The following STXBP5 variants were observed in gnomAD, a reference collection of about 807,000 sequenced individuals.
The protein encoded by STXBP5 is syntaxin-binding protein 5.
A neutral mutation model predicts 152.4 loss-of-function variants in STXBP5; 50 were observed. The ratio of observed to expected loss-of-function variants is 0.33; its 90% CI spans 0.26 to 0.42. STXBP5 has a LOEUF of 0.42. STXBP5 is among the 10% of genes least tolerant of loss of function. The pLI, the probability that STXBP5 is intolerant of heterozygous loss-of-function variation, is 1.00. For synonymous variants in STXBP5, 492 were observed against 494.7 expected, an observed-to-expected ratio of 0.99 and a Z score of 0.07; for missense variants, 1,167 against 1,388.6, an observed-to-expected ratio of 0.84 and a Z score of 2.54.
At chr6:147,362,844 A>C (rs1293765231) in intron 23 of STXBP5, among the ~76,000 whole-genome samples, 2 of 152,174 alleles carry the variant, frequency 1.3e-5, no homozygotes, top group Non-Finnish European at 2.9e-5. Context: ...TGGAGTGCTA[A>C]AGTCTTCAGA....
chr6:147,212,479 A>G (rs1041440843), intron 2 of STXBP5, among the ~76,000 whole-genome samples: 8 of 152,192 alleles, frequency 5.3e-5, no homozygotes, highest in African/African-American at 1.7e-4. Flanking sequence ...TAAGTCAACT[A>G]AAATCTCTGT....
intron 18 of STXBP5, among the ~76,000 whole-genome samples, chr6:147,333,179 C>T (rs919762386): frequency 6.6e-6 from 1 of 152,116 alleles, no homozygotes; most frequent in Admixed American, 6.5e-5. Flanking sequence ...TCTGTAAAAA[C>T]CAGGTTTTCT....
At chr6:147,240,674 T>C (rs1778498042) in intron 4 of STXBP5, among the ~76,000 whole-genome samples, 1 of 152,182 alleles carries the variant, frequency 6.6e-6, no homozygotes, top group South Asian at 2.1e-4. Context: ...ATAACAACTG[T>C]AATAACAGTA....
At chr6:147,265,174 A>G (rs1384528132) in intron 6 of STXBP5, among the ~76,000 whole-genome samples, 5 of 152,118 alleles carry the variant, frequency 3.3e-5, no homozygotes, top group Admixed American at 6.6e-5. Context: ...CAAAAGGTGT[A>G]TGTATCTCAG....
At chr6:147,379,504 G>C (rs1267776519) in intron 26 of STXBP5, among the ~76,000 whole-genome samples, 1 of 152,122 alleles carries the variant, frequency 6.6e-6, no homozygotes, top group Non-Finnish European at 1.5e-5. Context: ...ACTGATGTCT[G>C]TATGTATATA....
chr6:147,247,583 G>A (rs1269026608), intron 4 of STXBP5, among the ~76,000 whole-genome samples: 2 of 152,160 alleles, frequency 1.3e-5, no homozygotes. Flanking sequence ...AGGATGTTCA[G>A]GCAGTATTGG....
intron 21 of STXBP5, 50 bp from the exon 22 acceptor site, chr6:147,353,270 TTAG>T: frequency 8.6e-7 from 1 of 1,167,690 alleles, no homozygotes; most frequent in Non-Finnish European, 1.2e-6. Flanking sequence ...TCAGTTGATA[TTAG>T]TATGAATCAA....
chr6:147,369,437 A>C (rs2128416934), intron 25 of STXBP5, among the ~76,000 whole-genome samples: 1 of 152,196 alleles, frequency 6.6e-6, no homozygotes, highest in African/African-American at 2.4e-5. Flanking sequence ...TGACACCAAA[A>C]GCAACATCCA....
At chr6:147,328,456 C>T (rs915243865) in intron 18 of STXBP5, among the ~76,000 whole-genome samples, 3 of 152,148 alleles carry the variant, frequency 2.0e-5, no homozygotes, top group Non-Finnish European at 4.4e-5. Flanking sequence ...CAGTTGTGTT[C>T]GGTACATTAT....
chr6:147,313,619 A>G (rs1782490605), intron 11 of STXBP5, among the ~76,000 whole-genome samples: 1 of 152,140 alleles, frequency 6.6e-6, no homozygotes, highest in South Asian at 2.1e-4. Context: ...AGTTTGGTGC[A>G]AGAAGTAAAT....
intron 17 of STXBP5, 92 bp downstream of exon 17, chr6:147,325,176 T>C (rs1463928700): frequency 8.2e-7 from 1 of 1,213,050 alleles, no homozygotes; most frequent in African/African-American, 1.6e-5. Context: ...CTTTGTTATA[T>C]CGTCACCTAA....
At chr6:147,269,219 A>G (rs2128336182) in intron 7 of STXBP5, among the ~76,000 whole-genome samples, 1 of 152,332 alleles carries the variant, frequency 6.6e-6, no homozygotes, top group Admixed American at 6.5e-5. Context: ...AACAGAGTAG[A>G]GAAACTTTGT....
At chr6:147,332,588 G>A (rs769964957) in intron 18 of STXBP5, among the ~76,000 whole-genome samples, 4 of 152,178 alleles carry the variant, frequency 2.6e-5, no homozygotes, top group Non-Finnish European at 5.9e-5. Flanking sequence ...AGTGTGGCTG[G>A]AGAAGAGAGA....
chr6:147,306,942 A>G (rs1018713595), intron 9 of STXBP5, among the ~76,000 whole-genome samples: 4 of 152,342 alleles, frequency 2.6e-5, no homozygotes, highest in Middle Eastern at 3.4e-3. Context: ...TAGACTAGAC[A>G]TAGGAGCACT....
intron 2 of STXBP5, among the ~76,000 whole-genome samples, chr6:147,213,728 A>ATT (rs1777016816): frequency 6.6e-6 from 1 of 152,084 alleles, no homozygotes. Context: ...GATTTGCTAT[A>ATT]TTAGCATCTT....
intron 8 of STXBP5, among the ~76,000 whole-genome samples, chr6:147,289,072 G>C (rs985224898): frequency 2.0e-5 from 3 of 152,226 alleles, no homozygotes; most frequent in African/African-American, 7.2e-5. Context: ...TGCCTGGGAA[G>C]TTGCGTCTCC....
At chr6:147,218,777 A>G (rs1777309947) in intron 2 of STXBP5, among the ~76,000 whole-genome samples, 1 of 152,194 alleles carries the variant, frequency 6.6e-6, no homozygotes, top group Non-Finnish European at 1.5e-5. Context: ...CTGGGTGTGA[A>G]TGAGTTTTGT....
intron 25 of STXBP5, among the ~76,000 whole-genome samples, chr6:147,367,554 C>T (rs1400560755): frequency 1.3e-5 from 2 of 152,144 alleles, no homozygotes; most frequent in Non-Finnish European, 2.9e-5. Flanking sequence ...AGGAGAATCG[C>T]TTGAACCCGG....
At chr6:147,340,151 C>G (rs948148548) in intron 21 of STXBP5, among the ~76,000 whole-genome samples, 4 of 151,880 alleles carry the variant, frequency 2.6e-5, no homozygotes, top group Non-Finnish European at 4.4e-5. Context: ...TGTATTATTT[C>G]CTCCCAAAAC....
Sources: gnomAD v4.1 joint callset for allele counts (sites outside exome capture counted in the v4.1 genomes callset) on GRCh38, gnomAD v4.1.1 for gene constraint, MANE v1.5 for transcripts, NCBI Gene and HGNC (gene_info 2026-07-23, HGNC 2026-07-21) for gene names.